NR2E1: variants seen among roughly 807,000 people sequenced by gnomAD.
NR2E1 encodes nuclear receptor subfamily 2 group E member 1.
In NR2E1, 5 loss-of-function variants were observed where a neutral mutation model predicts 43.6. The observed-to-expected ratio is 0.11, with a 90% CI of 0.06 to 0.24. NR2E1 has a LOEUF of 0.24. NR2E1 is among the 10% of genes least tolerant of loss of function. The probability of loss-of-function intolerance (pLI) is 1.00; values close to 1 mark genes in which losing one functional copy is unlikely to be tolerated. For missense variants in NR2E1, 287 were observed against 496.7 expected (o/e 0.58, Z 4.01); for synonymous variants, 191 against 195.5 (o/e 0.98, Z 0.19).
chr6:108,187,343 T>C lies in NR2E1; in HGVS notation c.1038T>C (p.Leu346=). The change falls in exon 9 of 9, where the codon CTT becomes CTC. Residue 346 remains leucine, a synonymous_variant. Coordinates refer to ENST00000368986, the MANE Select transcript of NR2E1 (RefSeq NM_003269.5). ...QPCRFGKLLL[L]LPALRSISPS... ...GTCGCTTTGGAAAACTCCTGTTGCTTTTGCCAGCTTTACGTTCTATTAGCC... is the reference window on the plus strand; with the variant it reads ...GTCGCTTTGGAAAACTCCTGTTGCTCTTGCCAGCTTTACGTTCTATTAGCC... 1 of 1,614,206 alleles carries C rather than the reference T, an allele frequency of 6.2e-7. No individual in the cohort carries two copies. Among genetic ancestry groups the C allele is most frequent in the South Asian group, 1.1e-5 (1 of 91,080 alleles).
intron 2 of NR2E1, among the ~76,000 whole-genome samples, chr6:108,171,812 G>A (rs1773817060): frequency 1.3e-5 from 2 of 152,214 alleles, no homozygotes; most frequent in African/African-American, 4.8e-5. Flanking sequence ...TGAGTTTACA[G>A]GAGGGAGTCT....
In NR2E1 at chr6:108,166,831, C is replaced by A. The variant is rs1213705590; in HGVS notation, c.25+41C>A. 5 of 1,576,968 alleles carry A rather than the reference C, an allele frequency of 3.2e-6. No homozygotes were observed. In the East Asian group the frequency reaches 1.1e-4, roughly 36 times the overall value. On this transcript the variant is annotated intron_variant, in intron 1 of 8. Coordinates refer to ENST00000368986, the MANE Select transcript of NR2E1 (RefSeq NM_003269.5). This position sits in a 1 kb window ranked among gnomAD's most constrained non-coding sequence, Gnocchi z 7.2. ...GCCGCCGTGGGGCCTAGGCGCGCAG[C>A]CTGGGGCGAGCGAGCGGGGAGGCTG...
chr6:108,176,382 A>T, intron 3 of NR2E1, 121 bp from the exon 4 acceptor site: 1 of 849,364 alleles, frequency 1.2e-6, no homozygotes, highest in Admixed American at 2.2e-5. Context: ...TCTTCTTTTC[A>T]CCTCTTGGGC....
At position 108,181,652 on chromosome 6, in the gene NR2E1, G is replaced by A; in HGVS notation, c.995+1G>A. 6.2e-7 allele frequency: 1 copy of A among 1,613,238 alleles called. No homozygotes were observed. The highest frequency in any genetic ancestry group is 8.5e-7 in the Non-Finnish European group (1 of 1,179,178). Reference sequence around the variant, plus strand: ...CGCTCAACAGCTACATCCATACCAGGTGACCCTTGTTTGCCTTGAACATGT... The same window carrying A: ...CGCTCAACAGCTACATCCATACCAGATGACCCTTGTTTGCCTTGAACATGT... On this transcript the variant is annotated splice_donor_variant, in intron 8 of 8. Coordinates refer to ENST00000368986, the MANE Select transcript of NR2E1 (RefSeq NM_003269.5). LOFTEE classifies it high-confidence loss of function.
At chr6:108,186,820 G>C (rs1449157639) in intron 8 of NR2E1, among the ~76,000 whole-genome samples, 6 of 152,136 alleles carry the variant, frequency 3.9e-5, no homozygotes, top group Non-Finnish European at 5.9e-5. Context: ...ATTCCTGAGA[G>C]AGACTAAGTA....
chr6:108,181,053 G>A, intron 7 of NR2E1, 97 bp downstream of exon 7: 3 of 1,322,258 alleles, frequency 2.3e-6, no homozygotes, highest in Non-Finnish European at 3.3e-6. Context: ...TGCAAAAAGA[G>A]GTGATGGTTT....
At chr6:108,183,568 T>A (rs1774025899) in intron 8 of NR2E1, among the ~76,000 whole-genome samples, 1 of 152,038 alleles carries the variant, frequency 6.6e-6, no homozygotes, top group Non-Finnish European at 1.5e-5. Context: ...AATAAATACA[T>A]CAAATGGGTA....
rs773568944 is a variant in NR2E1, at chr6:108,178,111, A to T, written c.512A>T (p.Asn171Ile). The T allele has an allele frequency of 6.2e-7, 1 of 1,614,152 alleles. No individual in the cohort carries two copies. The highest frequency in any genetic ancestry group is 8.5e-7 in the Non-Finnish European group (1 of 1,180,038). ...CCTACCCAGTACCCCCATGAAGTGA[A>T]TGGGACCCCAATGTATCTCTATGAA... is the stretch of plus-strand genomic sequence containing the variant. ...QPTPKYPHEV[N>I]GTPMYLYEVA... is the part of the protein sequence containing the mutation. The change falls in exon 5 of 9, where the codon AAT becomes ATT. Residue 171 changes from asparagine (N) to isoleucine (I), a missense_variant. This residue lies in a region of NR2E1 where 119 missense variants were observed against 155.7 expected (regional missense o/e 0.76). Coordinates refer to ENST00000368986, the MANE Select transcript of NR2E1 (RefSeq NM_003269.5).
chr6:108,176,564 C>T lies in NR2E1; in HGVS notation c.321C>T (p.Phe107=). ...STIRKQVALY[F]RGHKEENGAA... is the part of the protein sequence containing the mutation. ...TCCGCAAGCAAGTGGCCCTCTACTT[C>T]CGTGGACACAAGGAGGAGAACGGGG... is the stretch of plus-strand genomic sequence containing the variant. Residue 107 remains phenylalanine (F), a synonymous_variant, in exon 4 of 9, where the codon TTC becomes TTT. Coordinates refer to ENST00000368986, the MANE Select transcript of NR2E1 (RefSeq NM_003269.5). 1 of 1,613,190 alleles carries T rather than the reference C, an allele frequency of 6.2e-7. No homozygotes were observed. The highest frequency in any genetic ancestry group is 8.5e-7 in the Non-Finnish European group (1 of 1,179,972).
chr6:108,183,566 C>T (rs1351075227), intron 8 of NR2E1, among the ~76,000 whole-genome samples: 1 of 152,100 alleles, frequency 6.6e-6, no homozygotes, highest in Non-Finnish European at 1.5e-5. Context: ...GGAATAAATA[C>T]ATCAAATGGG....
chr6:108,175,762 G>A (rs781267688), intron 3 of NR2E1, among the ~76,000 whole-genome samples: 1 of 152,230 alleles, frequency 6.6e-6, no homozygotes, highest in South Asian at 2.1e-4. Flanking sequence ...AGCTCCAGGA[G>A]GAGAGAGAGC....
chr6:108,166,846 C>A lies in NR2E1; in HGVS notation c.25+56C>A. On this transcript the variant is annotated intron_variant, in intron 1 of 8. Coordinates refer to ENST00000368986, the MANE Select transcript of NR2E1 (RefSeq NM_003269.5). The surrounding 1 kb of genome is among the most constrained non-coding windows in gnomAD (Gnocchi z 7.2). ...AGGCGCGCAGCCTGGGGCGAGCGAG[C>A]GGGGAGGCTGGGGGAGGTCCTGCCT... is the stretch of plus-strand genomic sequence containing the variant. 6.5e-7 allele frequency: 1 copy of A among 1,544,424 alleles called. No individual in the cohort carries two copies. The highest frequency in any genetic ancestry group is 8.8e-7 in the Non-Finnish European group (1 of 1,140,526).
chr6:108,171,582 T>C lies in NR2E1; in HGVS notation c.150T>C (p.Tyr50=), dbSNP rs748862409. The C allele has an allele frequency of 1.2e-6, 2 of 1,614,030 alleles. No individual in the cohort carries two copies. The highest frequency in any genetic ancestry group is 1.3e-5 in the African/African-American group (1 of 74,942). ...GGAGCATCCGAAGGAATAGGACCTA[T>C]GTCTGCAAATCTGGAAACCAGGTAC... is the stretch of plus-strand genomic sequence containing the variant. ...FKRSIRRNRT[Y]VCKSGNQGGC... Residue 50 remains tyrosine, a synonymous_variant, in exon 2 of 9, where the codon TAT becomes TAC. Transcript: ENST00000368986.
intron 2 of NR2E1, 37 bp from the exon 3 acceptor site, chr6:108,174,799 G>C (rs755097409): frequency 3.2e-6 from 5 of 1,576,520 alleles, no homozygotes; most frequent in Admixed American, 1.7e-5. Context: ...CAGCCTAAAG[G>C]CCCTGGGGAC....
chr6:108,182,328 G>A lies in NR2E1; in HGVS notation c.995+677G>A, dbSNP rs528171470. On this transcript the variant is annotated intron_variant, in intron 8 of 8. Coordinates refer to ENST00000368986, the MANE Select transcript of NR2E1 (RefSeq NM_003269.5). The stretch of plus-strand genomic sequence containing the variant: ...ACATCATCCTTGAGAAAACACAGGT[G>A]ACTTTCTTCAGATGCCAATCTCAAA... Among the ~76,000 whole-genome samples the A allele has an allele frequency of 2.2e-4, 33 of 151,726 alleles. 1 individual carries two copies. The South Asian group carries it at 6.9e-3, about 32-fold the overall frequency.
intron 8 of NR2E1, among the ~76,000 whole-genome samples, chr6:108,186,955 C>A (rs1207565628): frequency 6.6e-6 from 1 of 152,086 alleles, no homozygotes; most frequent in African/African-American, 2.4e-5. Context: ...ATCCTCAATG[C>A]CCTGGTCGTT....
At chr6:108,175,521 G>A (rs977074760) in intron 3 of NR2E1, among the ~76,000 whole-genome samples, 1 of 152,234 alleles carries the variant, frequency 6.6e-6, no homozygotes, top group Non-Finnish European at 1.5e-5. Context: ...ACGCCCGTGG[G>A]TGCCTCGGAC....
rs1176995076 is a variant in NR2E1, at chr6:108,166,694, G to A, written c.-72G>A. On this transcript the variant is annotated 5_prime_UTR_variant, in exon 1 of 9. Coordinates refer to ENST00000368986, the MANE Select transcript of NR2E1 (RefSeq NM_003269.5). The surrounding 1 kb of genome is among the most constrained non-coding windows in gnomAD (Gnocchi z 7.2). Reference sequence around the variant, plus strand: ...GGGCAGCTGGAGAGCGGCGGCGCCCGGCGGCGAGGCGGGCGCTGCCGGCCG... The same window carrying A: ...GGGCAGCTGGAGAGCGGCGGCGCCCAGCGGCGAGGCGGGCGCTGCCGGCCG... The A allele has an allele frequency of 1.8e-5, 25 of 1,354,890 alleles. No homozygotes were observed. Among genetic ancestry groups the A allele is most frequent in the Non-Finnish European group, 2.3e-5 (24 of 1,027,472 alleles). The allele number at this position is 1,354,890 out of a possible 1,614,324, so 83.9% of individuals were successfully genotyped here. A position where few individuals can be genotyped will look rare whatever the true frequency, so the allele number is the denominator to read the frequency against.
At chr6:108,185,195 GAGA>G (rs1774053791) in intron 8 of NR2E1, among the ~76,000 whole-genome samples, 2 of 152,322 alleles carry the variant, frequency 1.3e-5, no homozygotes, top group East Asian at 3.9e-4. Context: ...AGGACGTAAG[GAGA>G]AGGCTAGGAA....
Sources: allele counts gnomAD v4.1 joint callset (sites outside exome capture counted in the v4.1 genomes callset), GRCh38; gene constraint gnomAD v4.1.1; regional missense constraint gnomAD v4.1.1; non-coding constraint Gnocchi (gnomAD v3.1); transcripts MANE v1.5; gene names NCBI Gene and HGNC (gene_info 2026-07-23, HGNC 2026-07-21).